The following GCA variants were observed in gnomAD, a reference collection of about 807,000 sequenced individuals.
GCA encodes the protein grancalcin, EF-hand calcium-binding protein.
GCA carries 30 observed loss-of-function variants against 32.6 expected under a neutral mutation model. The observed-to-expected ratio is 0.92, with a 90% CI of 0.69 to 1.25. GCA has a LOEUF of 1.25. Among genes scored for constraint, GCA ranks in the 50% most tolerant of loss-of-function variants. The pLI is 0.00. For synonymous variants in GCA, 102 were observed against 84.6 expected, an observed-to-expected ratio of 1.21 and a Z score of -1.13; for missense variants, 291 against 266.8, an observed-to-expected ratio of 1.09 and a Z score of -0.63.
chr2:162,360,926 T>G lies in GCA; in HGVS notation c.*683T>G. The G allele has an allele frequency of 1.7e-6, 2 of 1,150,476 alleles. No homozygotes were observed. Among genetic ancestry groups the G allele is most frequent in the Non-Finnish European group, 2.1e-6 (2 of 931,562 alleles). The allele number at this position is 1,150,476 out of a possible 1,614,324, so 71.3% of individuals were successfully genotyped here. ...AAAAAGTTCTTAATAAACATAGTATTTCTCTCTGCGTCCTATTTCATTAGT... is the reference window on the plus strand; with the variant it reads ...AAAAAGTTCTTAATAAACATAGTATGTCTCTCTGCGTCCTATTTCATTAGT... On this transcript the variant is annotated 3_prime_UTR_variant, in exon 8 of 8. Coordinates refer to ENST00000437150, the MANE Select transcript of GCA (RefSeq NM_012198.5).
downstream of GCA, among the ~76,000 whole-genome samples, chr2:162,372,615 G>A (rs1398729848): frequency 6.6e-6 from 1 of 152,062 alleles, no homozygotes; most frequent in Non-Finnish European, 1.5e-5. Flanking sequence ...TAGAAGTATT[G>A]CGTTATTTTC....
At chr2:162,347,546 A>G (rs931939412) in intron 1 of GCA, 32 bp from the exon 2 acceptor site, 2 of 1,431,956 alleles carry the variant, frequency 1.4e-6, no homozygotes, top group Non-Finnish European at 1.9e-6. Context: ...TAGTATTTAT[A>G]TTACTAACCT....
At chr2:162,325,949 G>A (rs1409390010) in intron 1 of GCA, among the ~76,000 whole-genome samples, 1 of 152,188 alleles carries the variant, frequency 6.6e-6, no homozygotes, top group Non-Finnish European at 1.5e-5. Context: ...ATCTATTGGA[G>A]AGGCAAGAGT....
chr2:162,373,759 T>C, downstream of GCA: 3 of 735,666 alleles, frequency 4.1e-6, no homozygotes, highest in Non-Finnish European at 6.0e-6. Context: ...AACAGAATTA[T>C]GGCCTTGCTT....
chr2:162,350,366 C>T (rs1342605495), intron 2 of GCA, among the ~76,000 whole-genome samples: 1 of 152,176 alleles, frequency 6.6e-6, no homozygotes, highest in East Asian at 1.9e-4. Flanking sequence ...AGACTGATGA[C>T]ATGTCTAAGT....
intron 1 of GCA, among the ~76,000 whole-genome samples, chr2:162,332,338 T>TATAA (rs1553463266): frequency 5.6e-5 from 8 of 142,774 alleles, no homozygotes; most frequent in African/African-American, 1.6e-4. Flanking sequence ...TATATATATA[T>TATAA]AATATATAAT....
At chr2:162,366,764 A>G (rs1048310040), downstream of GCA, among the ~76,000 whole-genome samples, 1 of 151,964 alleles carries the variant, frequency 6.6e-6, no homozygotes, top group Non-Finnish European at 1.5e-5. Flanking sequence ...GCAAATGTAT[A>G]AGTTTATGAA....
At position 162,360,817 on chromosome 2, in the gene GCA, A is replaced by C. The variant is rs1296061080; in HGVS notation, c.*574A>C. 6 of 1,221,930 alleles carry C rather than the reference A, an allele frequency of 4.9e-6. No homozygotes were observed. Among genetic ancestry groups the C allele is most frequent in the Non-Finnish European group, 6.3e-6 (6 of 959,056 alleles). The allele number at this position is 1,221,930 out of a possible 1,614,324, so 75.7% of individuals were successfully genotyped here. On this transcript the variant is annotated 3_prime_UTR_variant, in exon 8 of 8. Coordinates refer to ENST00000437150, the MANE Select transcript of GCA (RefSeq NM_012198.5). ...CCCTAGTTCAATCTGTAGTGAAATA[A>C]GACTACAGAAGGCATTGTTTTTTCC...
At chr2:162,356,730 A>C in intron 4 of GCA, 28 bp from the exon 5 acceptor site, 1 of 1,552,658 alleles carries the variant, frequency 6.4e-7, no homozygotes. Context: ...CAGGTATCAG[A>C]ATTTATTTTT....
intron 1 of GCA, among the ~76,000 whole-genome samples, chr2:162,331,180 A>T (rs879496535): frequency 3.9e-5 from 6 of 152,232 alleles, no homozygotes; most frequent in Non-Finnish European, 8.8e-5. Context: ...TACAAAAAGG[A>T]TACTTATTTA....
At chr2:162,348,216 A>AT (rs1211030822) in intron 2 of GCA, among the ~76,000 whole-genome samples, 5 of 152,178 alleles carry the variant, frequency 3.3e-5, no homozygotes, top group Non-Finnish European at 4.4e-5. Context: ...TAGCCTGCAC[A>AT]TTCTTTTATA....
upstream of GCA, among the ~76,000 whole-genome samples, chr2:162,341,736 C>A (rs146740459): frequency 1.4e-4 from 22 of 152,220 alleles, no homozygotes; most frequent in East Asian, 4.1e-3. Context: ...AAATACAGCA[C>A]TATGGTTGGG....
intron 2 of GCA, among the ~76,000 whole-genome samples, chr2:162,348,764 T>C (rs1478842192): frequency 6.6e-6 from 1 of 152,164 alleles, no homozygotes; most frequent in Non-Finnish European, 1.5e-5. Flanking sequence ...GTTTATTCTT[T>C]TCCAAGTGAT....
At chr2:162,337,550 T>G (rs1402516364) in intron 1 of GCA, among the ~76,000 whole-genome samples, 2 of 152,146 alleles carry the variant, frequency 1.3e-5, no homozygotes, top group Non-Finnish European at 2.9e-5. Context: ...GCAACTGAGC[T>G]TTATGGCTAA....
chr2:162,321,909 TATATATATATATATATATATA>T (rs1683684820), intron 1 of GCA, among the ~76,000 whole-genome samples: 1 of 108,150 alleles, frequency 9.2e-6, no homozygotes, highest in African/African-American at 3.7e-5. Context: ...TATATATATA[TATATATATATATATATATATA>T]TATACACACA....
chr2:162,320,884 A>G, intron 1 of GCA, among the ~76,000 whole-genome samples: 1 of 152,328 alleles, frequency 6.6e-6, no homozygotes, highest in East Asian at 1.9e-4. Context: ...TAGTAAATCT[A>G]CATAATAATG....
At chr2:162,373,434 G>T, downstream of GCA, 3 of 1,411,760 alleles carry the variant, frequency 2.1e-6, no homozygotes, top group South Asian at 1.6e-5. Flanking sequence ...AACACACTGT[G>T]AGAGACACTC....
chr2:162,335,958 A>G (rs906177068), intron 1 of GCA, among the ~76,000 whole-genome samples: 3 of 152,224 alleles, frequency 2.0e-5, no homozygotes, highest in Non-Finnish European at 4.4e-5. Flanking sequence ...AAAAAAATAA[A>G]ATGTTAATAA....
At chr2:162,319,253 A>C (rs1197423658) in intron 1 of GCA, 1 of 457,012 alleles carries the variant, frequency 2.2e-6, no homozygotes, top group African/African-American at 2.0e-5. Context: ...AGTAACAATA[A>C]ACAGTTAACT....
Sources: gnomAD v4.1 joint callset for allele counts (sites outside exome capture counted in the v4.1 genomes callset) on GRCh38, gnomAD v4.1.1 for gene constraint, MANE v1.5 for transcripts, NCBI Gene and HGNC (gene_info 2026-07-23, HGNC 2026-07-21) for gene names.